Variants in CREBRF observed in about 807,000 individuals in gnomAD.
CREBRF encodes CREB3 regulatory factor, also known as UPF0474 protein C5orf41.
CREBRF carries 5 observed loss-of-function variants against 66.1 expected under a neutral mutation model. That is an observed-to-expected ratio of 0.08 (90% CI 0.04 to 0.16). The LOEUF is 0.16. CREBRF is among the 10% of genes least tolerant of loss of function. The probability of loss-of-function intolerance (pLI) is 1.00; values close to 1 mark genes in which losing one functional copy is unlikely to be tolerated. For missense variants in CREBRF, 531 were observed against 744.9 expected, an observed-to-expected ratio of 0.71 and a Z score of 3.34; for synonymous variants, 229 against 264.4, an observed-to-expected ratio of 0.87 and a Z score of 1.30.
At position 173,134,210 on chromosome 5, in the gene CREBRF, TG is replaced by T. The variant is rs1378814331; in HGVS notation, c.*466del. 1 of 151,292 alleles carries T rather than the reference TG, an allele frequency of 6.6e-6. No individual in the cohort carries two copies. The highest frequency in any genetic ancestry group is 1.5e-5 in the Non-Finnish European group (1 of 68,450). The allele number at this position is 151,292 out of a possible 1,614,324, so 9.4% of individuals were successfully genotyped here. A position where few individuals can be genotyped will look rare whatever the true frequency, so the allele number is the denominator to read the frequency against. ...ACTTGTATATGGCACACCCAGCACT[TG>T]TGCCTGTGGGCCATATTAGATGTTC... On this transcript the variant is annotated 3_prime_UTR_variant, in exon 9 of 9. Coordinates refer to ENST00000296953, the MANE Select transcript of CREBRF (RefSeq NM_153607.3).
At chr5:173,117,876 GA>G (rs1301313171) in intron 7 of CREBRF, among the ~76,000 whole-genome samples, 10 of 117,390 alleles carry the variant, frequency 8.5e-5, no homozygotes, top group African/African-American at 3.0e-4. Context: ...ACACCTGACT[GA>G]TTTTTTTTTT....
At position 173,086,531 on chromosome 5, in the gene CREBRF, G is replaced by A. The variant is rs769439937; in HGVS notation, c.40G>A (p.Gly14Arg). 3.1e-6 allele frequency: 5 copies of A among 1,613,120 alleles called. No homozygotes were observed. The highest frequency in any genetic ancestry group is 4.2e-6 in the Non-Finnish European group (5 of 1,179,386). The change falls in exon 3 of 9, where the codon GGG becomes AGG. Residue 14 changes from glycine (G) to arginine (R), a missense_variant. Physicochemically the swap from Gly to Arg is moderately radical, Grantham distance 125. Around this residue, in one of 5 missense-constraint regions of CREBRF, gnomAD observed 133 missense variants for 215.6 expected, o/e 0.62. Transcript: ENST00000296953. ...TGTAAGCGGAATGGATCCGCCTTTC[G>A]GGGATGCCTTTCGAAGCCACACCTT... is the stretch of plus-strand genomic sequence containing the variant. ...PSVSGMDPPF[G>R]DAFRSHTFSE...
rs1759526743 is a variant in CREBRF at position 173,133,701 on chromosome 5, A to G, written c.1876A>G (p.Thr626Ala). The G allele has an allele frequency of 3.7e-6, 6 of 1,612,510 alleles. No individual in the cohort carries two copies. The highest frequency in any genetic ancestry group is 5.1e-6 in the Non-Finnish European group (6 of 1,179,094). The change falls in exon 9 of 9, where the codon ACT (threonine) becomes GCT (alanine). Residue 626 changes from threonine (T) to alanine (A), a missense_variant. Transcript: ENST00000296953. ...VLEKTAEGNP[T>A]GGLVGLRIPT... ...AGAGAAGACTGCAGAAGGGAATCCC[A>G]CTGGAGGCCTTGTAGGATTAAGGAT...
At chr5:173,107,169 T>G (rs1758769076) in intron 4 of CREBRF, among the ~76,000 whole-genome samples, 1 of 152,230 alleles carries the variant, frequency 6.6e-6, no homozygotes, top group South Asian at 2.1e-4. Flanking sequence ...ATTCATTCTT[T>G]GTCTGGAGAA....
chr5:173,082,416 A>T (rs140348263), intron 2 of CREBRF, among the ~76,000 whole-genome samples: 3 of 152,044 alleles, frequency 2.0e-5, no homozygotes, highest in African/African-American at 7.2e-5. Context: ...TGCAGGCTGG[A>T]AAAGTAGGGG....
At chr5:173,097,395 C>A (rs915628630) in intron 4 of CREBRF, among the ~76,000 whole-genome samples, 3 of 152,116 alleles carry the variant, frequency 2.0e-5, no homozygotes, top group Admixed American at 6.5e-5. Context: ...CAGGCACTCA[C>A]CACCATGCCT....
chr5:173,110,791 C>A, intron 6 of CREBRF, 80 bp downstream of exon 6: 2 of 958,136 alleles, frequency 2.1e-6, no homozygotes, highest in Non-Finnish European at 3.1e-6. Context: ...TATAGAAGGA[C>A]AACAAAGAAA....
intron 1 of CREBRF, among the ~76,000 whole-genome samples, chr5:173,066,246 C>CT (rs1175806043): frequency 1.3e-5 from 2 of 152,204 alleles, no homozygotes; most frequent in African/African-American, 4.8e-5. Context: ...TGTTCAAAGA[C>CT]TAATTATCCA....
intron 8 of CREBRF, among the ~76,000 whole-genome samples, chr5:173,126,719 A>C (rs567721350): frequency 1.3e-5 from 2 of 152,296 alleles, no homozygotes; most frequent in Non-Finnish European, 2.9e-5. Context: ...CATCCACATA[A>C]ATATTGATAA....
At chr5:173,089,702 G>A (rs553650894) in intron 3 of CREBRF, among the ~76,000 whole-genome samples, 8 of 150,598 alleles carry the variant, frequency 5.3e-5, no homozygotes, top group East Asian at 3.9e-4. Flanking sequence ...TCTAAAATTC[G>A]TGAGGAGTAT....
intron 7 of CREBRF, among the ~76,000 whole-genome samples, chr5:173,113,528 G>A (rs531266375): frequency 2.1e-4 from 32 of 151,698 alleles, no homozygotes; most frequent in Admixed American, 6.6e-4. Flanking sequence ...GGCTGGTTTC[G>A]AACTCCTGAC....
At chr5:173,068,249 C>T (rs905973345) in intron 1 of CREBRF, 7 of 328,094 alleles carry the variant, frequency 2.1e-5, no homozygotes, top group Non-Finnish European at 4.3e-5. Flanking sequence ...ATGTACTTCT[C>T]CTTCTCTGAT....
At chr5:173,095,424 C>T (rs145284467) in intron 4 of CREBRF, among the ~76,000 whole-genome samples, 4,916 of 151,938 alleles carry the variant, frequency 0.032, 112 homozygotes, top group South Asian at 0.091. Context: ...CTCCTGACCT[C>T]GTGATCTGCC....
intron 2 of CREBRF, 95 bp from the exon 3 acceptor site, chr5:173,086,405 TA>T: frequency 9.2e-7 from 1 of 1,091,680 alleles, no homozygotes; most frequent in Non-Finnish European, 1.3e-6. Context: ...CTGAAAAGAA[TA>T]AGTTACTTAG....
chr5:173,077,092 C>A (rs1008046109), intron 1 of CREBRF, among the ~76,000 whole-genome samples: 8 of 149,872 alleles, frequency 5.3e-5, no homozygotes, highest in African/African-American at 2.0e-4. Context: ...TACAGGCGCC[C>A]GCCACCATGT....
intron 8 of CREBRF, among the ~76,000 whole-genome samples, chr5:173,131,395 T>C (rs542624242): frequency 9.2e-5 from 14 of 152,326 alleles, no homozygotes; most frequent in African/African-American, 3.1e-4. Flanking sequence ...TTATAGCATT[T>C]TTTTGTGTGT....
chr5:173,100,961 C>T (rs1758615661), intron 4 of CREBRF, among the ~76,000 whole-genome samples: 1 of 152,148 alleles, frequency 6.6e-6, no homozygotes, highest in African/African-American at 2.4e-5. Context: ...GCTGGAACTA[C>T]TGATGTGCAT....
At chr5:173,088,355 G>C (rs1258139233) in intron 3 of CREBRF, among the ~76,000 whole-genome samples, 1 of 137,246 alleles carries the variant, frequency 7.3e-6, no homozygotes, top group Non-Finnish European at 1.5e-5. Flanking sequence ...TGGGTGTGGT[G>C]GTGGGTGCCT....
intron 7 of CREBRF, among the ~76,000 whole-genome samples, chr5:173,120,272 T>C (rs1362810732): frequency 6.6e-6 from 1 of 152,180 alleles, no homozygotes; most frequent in East Asian, 1.9e-4. Context: ...TATTAAAACC[T>C]TCTGGGTTCT....
Sources: gnomAD v4.1 joint callset for allele counts (sites outside exome capture counted in the v4.1 genomes callset) on GRCh38, gnomAD v4.1.1 for gene constraint, gnomAD v4.1.1 regional missense constraint, MANE v1.5 for transcripts, NCBI Gene and HGNC (gene_info 2026-07-23, HGNC 2026-07-21) for gene names.